The following DLGAP2 variants were observed in gnomAD, a reference collection of about 807,000 sequenced individuals.
DLGAP2 encodes disks large-associated protein 2.
DLGAP2 carries 26 observed loss-of-function variants against 100.3 expected under a neutral mutation model. That is an observed-to-expected ratio of 0.26 (90% CI 0.19 to 0.36). The LOEUF (loss-of-function observed/expected upper bound fraction) is 0.36. Ranked by LOEUF, DLGAP2 falls within the 10% of genes least tolerant of loss-of-function variation. The pLI is 1.00. For synonymous variants in DLGAP2, 886 were observed against 630.1 expected, an observed-to-expected ratio of 1.41 and a Z score of -6.08; for missense variants, 1,858 against 1,453.2, an observed-to-expected ratio of 1.28 and a Z score of -4.53.
intron 3 of DLGAP2, among the ~76,000 whole-genome samples, chr8:1,271,795 C>A (rs867584100): frequency 6.6e-6 from 1 of 152,084 alleles, no homozygotes; most frequent in Non-Finnish European, 1.5e-5. Flanking sequence ...AGAATGATTT[C>A]TTTTTAATTT....
At chr8:1,101,474 C>T (rs570496127) in intron 2 of DLGAP2, among the ~76,000 whole-genome samples, 19 of 152,238 alleles carry the variant, frequency 1.2e-4, no homozygotes, top group African/African-American at 4.6e-4. Flanking sequence ...ACAGGAGGCA[C>T]CCAGAGTCTG....
At chr8:1,502,197 C>G (rs1262193845) in intron 4 of DLGAP2, among the ~76,000 whole-genome samples, 2 of 152,190 alleles carry the variant, frequency 1.3e-5, no homozygotes, top group Non-Finnish European at 2.9e-5. Flanking sequence ...ATTCTCTAAC[C>G]TAAAAGATTG....
At chr8:1,004,714 A>G (rs1021799065) in intron 2 of DLGAP2, among the ~76,000 whole-genome samples, 2 of 152,178 alleles carry the variant, frequency 1.3e-5, no homozygotes, top group African/African-American at 4.8e-5. Context: ...TATGTGCGGC[A>G]TCTTTCTCAG....
At chr8:1,292,991 G>A (rs908759890) in intron 3 of DLGAP2, among the ~76,000 whole-genome samples, 2 of 152,210 alleles carry the variant, frequency 1.3e-5, no homozygotes, top group East Asian at 1.9e-4. Context: ...GCTGTTCCTC[G>A]TGTCTCTTTT....
intron 3 of DLGAP2, among the ~76,000 whole-genome samples, chr8:1,311,601 G>C (rs1481406503): frequency 6.6e-6 from 1 of 152,026 alleles, no homozygotes; most frequent in Non-Finnish European, 1.5e-5. Flanking sequence ...ATTTATTCCA[G>C]GAATGTAAAA....
intron 3 of DLGAP2, among the ~76,000 whole-genome samples, chr8:1,266,834 G>A (rs1799460939): frequency 6.6e-6 from 1 of 152,074 alleles, no homozygotes; most frequent in African/African-American, 2.4e-5. Context: ...TCTCCCCATT[G>A]TGTGTGCAGC....
intron 14 of DLGAP2, among the ~76,000 whole-genome samples, chr8:1,699,201 A>T (rs1033817528): frequency 6.6e-6 from 1 of 152,206 alleles, no homozygotes; most frequent in African/African-American, 2.4e-5. Flanking sequence ...CTGCGCATAG[A>T]GTATGATTCT....
At chr8:914,653 G>A (rs954471491) in intron 2 of DLGAP2, among the ~76,000 whole-genome samples, 1 of 152,202 alleles carries the variant, frequency 6.6e-6, no homozygotes, top group Non-Finnish European at 1.5e-5. Context: ...TATAGATGGT[G>A]GCCCTATTAA....
At chr8:1,613,391 G>T (rs2130736363) in intron 6 of DLGAP2, among the ~76,000 whole-genome samples, 1 of 151,752 alleles carries the variant, frequency 6.6e-6, no homozygotes, top group Admixed American at 6.6e-5. Context: ...GGGGACTGTG[G>T]TGGGGTGGGG....
chr8:1,188,245 C>A (rs921437279), intron 2 of DLGAP2, among the ~76,000 whole-genome samples: 1 of 137,380 alleles, frequency 7.3e-6, no homozygotes. Flanking sequence ...GTGACGTTTC[C>A]CTCACGGAAT....
intron 3 of DLGAP2, among the ~76,000 whole-genome samples, chr8:1,264,753 G>T (rs1273164482): frequency 6.6e-6 from 1 of 152,176 alleles, no homozygotes; most frequent in South Asian, 2.1e-4. Context: ...TTAAGGAAGT[G>T]ATATGGTTTT....
At chr8:1,275,715 C>CATATAT (rs34634474) in intron 3 of DLGAP2, among the ~76,000 whole-genome samples, 6 of 128,226 alleles carry the variant, frequency 4.7e-5, no homozygotes, top group African/African-American at 1.5e-4. Flanking sequence ...GCTAATAGGA[C>CATATAT]ATATATATAT....
At chr8:1,187,770 C>T (rs1379728532) in intron 2 of DLGAP2, among the ~76,000 whole-genome samples, 4 of 141,470 alleles carry the variant, frequency 2.8e-5, no homozygotes, top group South Asian at 2.2e-4. Context: ...GAATCTCACA[C>T]GCCCGGGACC....
At chr8:1,063,177 G>A (rs1165759109) in intron 2 of DLGAP2, among the ~76,000 whole-genome samples, 1 of 152,164 alleles carries the variant, frequency 6.6e-6, no homozygotes, top group Non-Finnish European at 1.5e-5. Context: ...CTGATACGCC[G>A]CAAAGTGCTG....
chr8:1,391,915 G>A (rs1353686594), intron 3 of DLGAP2, among the ~76,000 whole-genome samples: 1 of 152,202 alleles, frequency 6.6e-6, no homozygotes, highest in Non-Finnish European at 1.5e-5. Flanking sequence ...ACCAACAAGG[G>A]GCCATGGAGG....
At chr8:1,075,923 A>G (rs1458403777) in intron 2 of DLGAP2, among the ~76,000 whole-genome samples, 1 of 152,092 alleles carries the variant, frequency 6.6e-6, no homozygotes, top group East Asian at 1.9e-4. Flanking sequence ...AACAAAAAAA[A>G]AGAAAAAAGA....
At chr8:1,524,604 C>A (rs1800725846) in intron 4 of DLGAP2, among the ~76,000 whole-genome samples, 1 of 152,130 alleles carries the variant, frequency 6.6e-6, no homozygotes, top group African/African-American at 2.4e-5. Context: ...CAGCGTCATC[C>A]CTCCGTGCGT....
At chr8:923,800 C>T (rs28476639) in intron 2 of DLGAP2, among the ~76,000 whole-genome samples, 15,629 of 152,168 alleles carry the variant, frequency 0.1, 1,080 homozygotes, top group Middle Eastern at 0.18. Context: ...ATGTCTCAGA[C>T]GCTGGCTTTT....
Position 1,064,273 on chromosome 8 carries a change from T to A in DLGAP2, c.73+156307T>A, listed in dbSNP as rs148536277. On this transcript the variant is annotated intron_variant, in intron 2 of 14. Coordinates refer to ENST00000637795, the MANE Select transcript of DLGAP2 (RefSeq NM_001346810.2). Reference sequence around the variant, plus strand: ...AACTTATTTATGGTTAAAACAAAACTGGATAACCAGAAAATAAGTTGTGTG... The same window carrying A: ...AACTTATTTATGGTTAAAACAAAACAGGATAACCAGAAAATAAGTTGTGTG... Among the ~76,000 whole-genome samples the A allele has an allele frequency of 2.4e-3, 359 of 152,310 alleles. 8 individuals are homozygous for A. Among genetic ancestry groups the A allele is most frequent in the Admixed American group, 0.02 (312 of 15,288 alleles).
Sources: allele counts gnomAD v4.1 joint callset (sites outside exome capture counted in the v4.1 genomes callset), GRCh38; gene constraint gnomAD v4.1.1; transcripts MANE v1.5; gene names NCBI Gene and HGNC (gene_info 2026-07-23, HGNC 2026-07-21).